Variants in CSMD2 observed in about 807,000 individuals in gnomAD.
CSMD2 encodes CUB and Sushi multiple domains 2, also known as CUB and sushi domain-containing protein 2.
In CSMD2, 130 loss-of-function variants were observed where a neutral mutation model predicts 398.5. The ratio of observed to expected loss-of-function variants is 0.33; its 90% CI spans 0.28 to 0.38. The LOEUF is 0.38. CSMD2 is among the 10% of genes least tolerant of loss of function. CSMD2 has a pLI of 1.00. For synonymous variants in CSMD2, 1,828 were observed against 1,908.5 expected (o/e 0.96, Z 1.10); for missense variants, 3,829 against 4,764.9 (o/e 0.80, Z 5.78).
chr1:33,704,140 A>G (rs1645698441), intron 22 of CSMD2, among the ~76,000 whole-genome samples: 1 of 152,212 alleles, frequency 6.6e-6, no homozygotes, highest in Non-Finnish European at 1.5e-5. Flanking sequence ...TGTTTCTATT[A>G]TAAATGAGAC....
At chr1:33,910,270 G>T (rs182107330) in intron 5 of CSMD2, among the ~76,000 whole-genome samples, 16 of 152,296 alleles carry the variant, frequency 1.1e-4, no homozygotes, top group Non-Finnish European at 1.9e-4. Context: ...CTCCTCCTGT[G>T]TTCATTTTGG....
chr1:33,648,171 A>G (rs961749447), intron 28 of CSMD2, among the ~76,000 whole-genome samples: 7 of 151,966 alleles, frequency 4.6e-5, no homozygotes, highest in African/African-American at 7.3e-5. Flanking sequence ...GACCATCCTG[A>G]CTAACACGGT....
intron 1 of CSMD2, among the ~76,000 whole-genome samples, chr1:34,100,731 C>T (rs1415051729): frequency 3.3e-5 from 5 of 152,218 alleles, no homozygotes; most frequent in Non-Finnish European, 7.3e-5. Context: ...TATTGTCAAA[C>T]ATTTAAATTG....
intron 41 of CSMD2, among the ~76,000 whole-genome samples, chr1:33,607,942 C>T (rs1049089582): frequency 1.1e-4 from 17 of 152,184 alleles, no homozygotes; most frequent in African/African-American, 3.4e-4. Flanking sequence ...TGCCCCCTGG[C>T]CTCCCTACGC....
At chr1:33,587,004 C>T (rs540561904) in intron 45 of CSMD2, 84 bp downstream of exon 45, 38 of 1,028,686 alleles carry the variant, frequency 3.7e-5, no homozygotes, top group African/African-American at 1.3e-4. Context: ...GGATAAGGTC[C>T]ACTGGCCCGA....
Position 33,855,264 on chromosome 1 carries a change from C to T in CSMD2, c.921-8268G>A, listed in dbSNP as rs116775764. On this transcript the variant is annotated intron_variant, in intron 5 of 70. Transcript: ENST00000373381. ...ACCCACAGCTCCTGACAGGGGTAGC[C>T]ATGTACATCATATGACCCATAGGCT... Among the ~76,000 whole-genome samples, 609 of 152,224 alleles carry T rather than the reference C, an allele frequency of 4.0e-3. 5 individuals carry two copies. Among genetic ancestry groups the T allele is most frequent in the African/African-American group, 0.013 (552 of 41,540 alleles).
chr1:33,833,795 T>A (rs1353895092), intron 6 of CSMD2, among the ~76,000 whole-genome samples: 1 of 152,166 alleles, frequency 6.6e-6, no homozygotes, highest in Admixed American at 6.5e-5. Flanking sequence ...ATAAGGAACT[T>A]CAGCAGTCTC....
At chr1:33,924,384 A>G (rs1644052060) in intron 4 of CSMD2, among the ~76,000 whole-genome samples, 1 of 152,206 alleles carries the variant, frequency 6.6e-6, no homozygotes, top group Admixed American at 6.5e-5. Flanking sequence ...ATGTATGTGT[A>G]TACCACATAC....
rs987157916 is a variant in CSMD2, at chr1:33,518,982, C to T, written c.*53+483G>A. On this transcript the variant is annotated intron_variant, in intron 70 of 70. Coordinates refer to ENST00000373381, the MANE Select transcript of CSMD2 (RefSeq NM_001281956.2). This position sits in a 1 kb window ranked among gnomAD's most constrained non-coding sequence, Gnocchi z 4.3. ...TATATATACACAATATACCTATATA[C>T]ACAGATATATGTGCATCTCTGTATA... Among the ~76,000 whole-genome samples, 2 of 152,024 alleles carry T rather than the reference C, an allele frequency of 1.3e-5. No homozygotes were observed. Among genetic ancestry groups the T allele is most frequent in the African/African-American group, 2.4e-5 (1 of 41,372 alleles).
intron 27 of CSMD2, among the ~76,000 whole-genome samples, chr1:33,653,892 G>A (rs779911912): frequency 6.6e-6 from 1 of 152,182 alleles, no homozygotes; most frequent in East Asian, 1.9e-4. Context: ...TTTGTGGGGG[G>A]AGCAAAAGGG....
At chr1:33,741,511 A>T (rs1647067071) in intron 14 of CSMD2, among the ~76,000 whole-genome samples, 1 of 152,166 alleles carries the variant, frequency 6.6e-6, no homozygotes, top group Admixed American at 6.5e-5. Flanking sequence ...TATTTCTATC[A>T]ATCCATCCAA....
chr1:33,665,460 C>CTTTTTTTTTTTT, intron 25 of CSMD2, among the ~76,000 whole-genome samples: 1 of 73,914 alleles, frequency 1.4e-5, no homozygotes, highest in Non-Finnish European at 2.5e-5. Context: ...TTTCTTCTCT[C>CTTTTTTTTTTTT]TTTTTTTTTT....
chr1:33,674,125 T>C (rs951164648), intron 25 of CSMD2, among the ~76,000 whole-genome samples: 4 of 152,224 alleles, frequency 2.6e-5, no homozygotes, highest in African/African-American at 9.6e-5. Flanking sequence ...ACCTTAAATG[T>C]ATATGGGCTA....
chr1:33,527,302 T>C, intron 64 of CSMD2, 44 bp from the exon 65 acceptor site: 1 of 1,525,638 alleles, frequency 6.6e-7, no homozygotes, highest in Non-Finnish European at 9.0e-7. Context: ...CAGCTTCTGG[T>C]TCACACTCTG....
chr1:33,812,952 A>T (rs1657025166), intron 9 of CSMD2: 1 of 152,150 alleles, frequency 6.6e-6, no homozygotes, highest in Non-Finnish European at 1.5e-5. Context: ...AACATTACTA[A>T]ACAAATTAAA....
intron 46 of CSMD2, among the ~76,000 whole-genome samples, chr1:33,584,633 C>T (rs1274635023): frequency 2.7e-5 from 4 of 150,094 alleles, no homozygotes; most frequent in Non-Finnish European, 5.9e-5. Context: ...CACCACTGCC[C>T]TCCAGCCTGG....
chr1:33,976,815 A>G (rs945743105), intron 3 of CSMD2, among the ~76,000 whole-genome samples: 1 of 152,104 alleles, frequency 6.6e-6, no homozygotes, highest in African/African-American at 2.4e-5. Flanking sequence ...TGAAAAGTTA[A>G]ATGAAGGAAT....
chr1:33,776,306 C>T (rs1026701460), intron 12 of CSMD2, among the ~76,000 whole-genome samples: 2 of 152,138 alleles, frequency 1.3e-5, no homozygotes, highest in Admixed American at 6.5e-5. Flanking sequence ...CCTTAGAGAC[C>T]GTGAGGGATG....
chr1:33,714,708 A>G lies in CSMD2; in HGVS notation c.3285T>C (p.Phe1095=). The change falls in exon 21 of 71, where the codon TTT becomes TTC. Residue 1095 remains phenylalanine (F), a synonymous_variant. Coordinates refer to ENST00000373381, the MANE Select transcript of CSMD2 (RefSeq NM_001281956.2). ...AGAAGGTCAAGGTGTCGCCCACGCC[A>G]AACTGCAAGCCCTTCCGGATGCTGT... ...PAYSIRKGLQ[F]GVGDTLTFSC... The G allele has an allele frequency of 6.2e-7, 1 of 1,614,110 alleles. No homozygotes were observed. The highest frequency in any genetic ancestry group is 2.2e-5 in the East Asian group (1 of 44,880).
Sources: gnomAD v4.1 joint callset for allele counts (sites outside exome capture counted in the v4.1 genomes callset) on GRCh38, gnomAD v4.1.1 for gene constraint, Gnocchi (gnomAD v3.1) non-coding constraint, MANE v1.5 for transcripts, NCBI Gene and HGNC (gene_info 2026-07-23, HGNC 2026-07-21) for gene names.